Variants in REV3L observed in about 807,000 individuals in gnomAD.
REV3L encodes REV3 like, DNA directed polymerase zeta catalytic subunit, also known as DNA polymerase zeta catalytic subunit.
REV3L carries 69 observed loss-of-function variants against 299.4 expected under a neutral mutation model. The ratio of observed to expected loss-of-function variants is 0.23; its 90% CI spans 0.19 to 0.28. The LOEUF (loss-of-function observed/expected upper bound fraction) is 0.28. Among genes scored for constraint, REV3L ranks in the 10% least tolerant of loss-of-function variants. REV3L has a pLI of 1.00. For synonymous variants in REV3L, 1,238 were observed against 1,271.4 expected, an observed-to-expected ratio of 0.97 and a Z score of 0.56; for missense variants, 3,128 against 3,693.8, an observed-to-expected ratio of 0.85 and a Z score of 3.97.
chr6:111,356,078 A>C (rs1415402007), intron 18 of REV3L, among the ~76,000 whole-genome samples: 1 of 152,144 alleles, frequency 6.6e-6, no homozygotes, highest in Non-Finnish European at 1.5e-5. Context: ...AGTCTGTAGA[A>C]TATCATCTTA....
In REV3L at chr6:111,374,117, T is replaced by C. The variant is rs1780063945; in HGVS notation, c.4238A>G (p.Gln1413Arg). 6.2e-7 allele frequency: 1 copy of C among 1,614,056 alleles called. No individual in the cohort carries two copies. The highest frequency in any genetic ancestry group is 8.5e-7 in the Non-Finnish European group (1 of 1,180,000). The change falls in exon 13 of 32, where the codon CAA becomes CGA. Residue 1413 changes from glutamine (Q) to arginine (R), a missense_variant. Around this residue, in one of 9 missense-constraint regions of REV3L, gnomAD observed 2,409 missense variants for 2,611.8 expected, o/e 0.92. Coordinates refer to ENST00000368802, the MANE Select transcript of REV3L (RefSeq NM_001372078.1). ...YRNSLESKLD[Q>R]AYTPNFLHCK... ...ATGCAAAAAATTAGGGGTATATGCT[T>C]GGTCCAGCTTTGATTCTAGGGAATT... is the stretch of plus-strand genomic sequence containing the variant.
At chr6:111,368,220 A>G (rs562157594) in intron 13 of REV3L, among the ~76,000 whole-genome samples, 192 bp from the exon 14 acceptor site, 148 of 152,288 alleles carry the variant, frequency 9.7e-4, no homozygotes, top group African/African-American at 3.4e-3. Flanking sequence ...GTATATGACT[A>G]CTACTTAATT....
At chr6:111,322,473 TC>T (rs1197829860) in intron 26 of REV3L, 95 bp downstream of exon 26, 27 of 879,312 alleles carry the variant, frequency 3.1e-5, no homozygotes, top group Non-Finnish European at 4.7e-5. Flanking sequence ...CAGACAGAAC[TC>T]TGTTTTTAGA....
At chr6:111,335,740 CT>C in intron 21 of REV3L, 130 bp from the exon 22 acceptor site, 2 of 839,166 alleles carry the variant, frequency 2.4e-6, no homozygotes, top group Non-Finnish European at 3.5e-6. Context: ...TGATATGAGC[CT>C]TTAAGCAAAG....
chr6:111,299,983 A>G lies in REV3L; in HGVS notation c.*33T>C. ...ACAGTTTAGTGGTAAGCACTGAAAA[A>G]AATAGCACCTGTAATACTGTGATAT... On this transcript the variant is annotated 3_prime_UTR_variant, in exon 32 of 32. Transcript: ENST00000368802. The G allele has an allele frequency of 1.3e-6, 2 of 1,592,658 alleles. No homozygotes were observed. The highest frequency in any genetic ancestry group is 1.7e-6 in the Non-Finnish European group (2 of 1,170,672).
intron 1 of REV3L, among the ~76,000 whole-genome samples, chr6:111,449,429 G>C (rs984175488): frequency 1.3e-5 from 2 of 152,184 alleles, no homozygotes; most frequent in East Asian, 1.9e-4. Context: ...GATCTGCAGA[G>C]GGTTCCCTCA....
intron 1 of REV3L, chr6:111,431,658 A>T (rs1786941697): frequency 1.1e-6 from 1 of 889,624 alleles, no homozygotes; most frequent in Non-Finnish European, 1.9e-6. Context: ...GCACATACGG[A>T]GTTTGAAAAG....
intron 1 of REV3L, 140 bp from the exon 2 acceptor site, chr6:111,416,612 A>T (rs2128284717): frequency 1.5e-6 from 1 of 647,430 alleles, no homozygotes; most frequent in African/African-American, 1.8e-5. Context: ...CCATAGTTCA[A>T]AGTAACCAGT....
At chr6:111,402,361 G>T (rs1783176159) in intron 4 of REV3L, among the ~76,000 whole-genome samples, 1 of 152,086 alleles carries the variant, frequency 6.6e-6, no homozygotes, top group African/African-American at 2.4e-5. Flanking sequence ...CCTGCGGAGG[G>T]CTCCCACCTG....
Position 111,307,383 on chromosome 6 carries a change from C to T in REV3L, c.9230G>A (p.Arg3077His), listed in dbSNP as rs201740580. The change falls in exon 31 of 32, where the codon CGT becomes CAT. Residue 3077 changes from arginine to histidine, a missense_variant. Physicochemically the swap from Arg to His is conservative, Grantham distance 29 (BLOSUM62 0). Around this residue, in one of 9 missense-constraint regions of REV3L, gnomAD observed 294 missense variants for 377.0 expected, o/e 0.78. Transcript: ENST00000368802. Reference sequence around the variant, plus strand: ...TACCTTTACAAGTTGCTCCTGTTGACGTTCCAACTCCCGGATTTCTTGGTT... The same window carrying T: ...TACCTTTACAAGTTGCTCCTGTTGATGTTCCAACTCCCGGATTTCTTGGTT... ...ILNQEIRELE[R>H]QQEQLVKICK... 1.6e-5 allele frequency: 26 copies of T among 1,613,986 alleles called. No homozygotes were observed. In the Middle Eastern group the frequency reaches 8.2e-4, roughly 51 times the overall value.
intron 1 of REV3L, among the ~76,000 whole-genome samples, chr6:111,468,335 A>T (rs1434352064): frequency 6.6e-6 from 1 of 152,234 alleles, no homozygotes; most frequent in Non-Finnish European, 1.5e-5. Flanking sequence ...AATAAAAAGT[A>T]ATCTACCATA....
chr6:111,303,688 T>TA (rs1554268901), intron 31 of REV3L, among the ~76,000 whole-genome samples: 8 of 78,442 alleles, frequency 1.0e-4, no homozygotes, highest in East Asian at 8.3e-4. Context: ...TTTTTTTTTT[T>TA]AACAGACTAT....
At chr6:111,469,825 C>T (rs1791967176) in intron 1 of REV3L, among the ~76,000 whole-genome samples, 1 of 152,130 alleles carries the variant, frequency 6.6e-6, no homozygotes, top group South Asian at 2.1e-4. Flanking sequence ...TTAATTGAGC[C>T]CAGCCCAGAA....
intron 1 of REV3L, among the ~76,000 whole-genome samples, chr6:111,450,868 C>G (rs1281232363): frequency 1.3e-5 from 2 of 152,188 alleles, no homozygotes; most frequent in Non-Finnish European, 2.9e-5. Context: ...CTGGGAAAGA[C>G]AACCAACCAG....
Position 111,374,392 on chromosome 6 carries a change from T to C in REV3L, c.3963A>G (p.Ser1321=). ...FPSSRDDLHP[S]VVCNSIGPGV... The stretch of plus-strand genomic sequence containing the variant: ...CAGGTCCTATAGAATTACAAACAAC[T>C]GATGGATGCAAATCATCTCGTGAAC... Residue 1321 remains serine, a synonymous_variant, in exon 13 of 32, where the codon TCA becomes TCG. Transcript: ENST00000368802. The C allele has an allele frequency of 6.2e-7, 1 of 1,614,026 alleles. No individual in the cohort carries two copies. The highest frequency in any genetic ancestry group is 8.5e-7 in the Non-Finnish European group (1 of 1,179,916).
chr6:111,440,308 A>G (rs542432426), intron 1 of REV3L, among the ~76,000 whole-genome samples: 3 of 152,288 alleles, frequency 2.0e-5, no homozygotes, highest in Admixed American at 2.0e-4. Flanking sequence ...ACCTCAGGTG[A>G]TCCACCCACC....
chr6:111,386,006 T>C (rs1364467698), intron 9 of REV3L, among the ~76,000 whole-genome samples: 2 of 152,364 alleles, frequency 1.3e-5, no homozygotes, highest in South Asian at 2.1e-4. Context: ...TTGCGTATGA[T>C]ACAATGTGAC....
In REV3L at chr6:111,307,407, T is replaced by C; in HGVS notation, c.9206A>G (p.Asn3069Ser). Reference protein sequence around the residue: ...SQPQHVAVILNQEIRELERQQ... With the variant: ...SQPQHVAVILSQEIRELERQQ... ...ACGTTCCAACTCCCGGATTTCTTGG[T>C]TGAGGATGACTGCAACATGCTGAGG... The change falls in exon 31 of 32, where the codon AAC becomes AGC. Residue 3069 changes from asparagine to serine, a missense_variant. Physicochemically the swap from Asn to Ser is conservative, Grantham distance 46 (BLOSUM62 1). Around this residue, in one of 9 missense-constraint regions of REV3L, gnomAD observed 294 missense variants for 377.0 expected, o/e 0.78. Transcript: ENST00000368802. 1 of 1,614,162 alleles carries C rather than the reference T, an allele frequency of 6.2e-7. No individual in the cohort carries two copies. The highest frequency in any genetic ancestry group is 8.5e-7 in the Non-Finnish European group (1 of 1,180,020).
At position 111,311,038 on chromosome 6, in the gene REV3L, T is replaced by C; in HGVS notation, c.8795+31A>G. The stretch of plus-strand genomic sequence containing the variant: ...CTAGACCTGTGCAGAATCTCAGGAC[T>C]ATCCTGGCAAGGTACTGAGGGTATC... On this transcript the variant is annotated intron_variant, in intron 29 of 31. Coordinates refer to ENST00000368802, the MANE Select transcript of REV3L (RefSeq NM_001372078.1). 2.6e-6 allele frequency: 4 copies of C among 1,555,592 alleles called. No individual in the cohort carries two copies. In the Admixed American group the frequency reaches 7.6e-5, roughly 30 times the overall value.
Sources: gnomAD v4.1 joint callset for allele counts (sites outside exome capture counted in the v4.1 genomes callset) on GRCh38, gnomAD v4.1.1 for gene constraint, gnomAD v4.1.1 regional missense constraint, MANE v1.5 for transcripts, NCBI Gene and HGNC (gene_info 2026-07-23, HGNC 2026-07-21) for gene names.